Variants in TTC21B observed in about 807,000 individuals in gnomAD.
TTC21B encodes tetratricopeptide repeat domain 21B, also known as tetratricopeptide repeat protein 21B.
A neutral mutation model predicts 175.1 loss-of-function variants in TTC21B; 127 were observed. That is an observed-to-expected ratio of 0.73 (90% CI 0.63 to 0.84). The LOEUF (loss-of-function observed/expected upper bound fraction) is 0.84, where lower values mean the gene tolerates loss of function less well. TTC21B is among the 40% of genes least tolerant of loss of function. The pLI is 0.00. For missense variants in TTC21B, 1,561 were observed against 1,558.3 expected, an observed-to-expected ratio of 1.00 and a Z score of -0.03; for synonymous variants, 524 against 524.5, an observed-to-expected ratio of 1.00 and a Z score of 0.01.
chr2:165,925,192 AACT>A (rs1686581982), intron 11 of TTC21B, among the ~76,000 whole-genome samples: 1 of 152,160 alleles, frequency 6.6e-6, no homozygotes, highest in Non-Finnish European at 1.5e-5. Context: ...CACTATGCTA[AACT>A]AAATGTCTCA....
intron 3 of TTC21B, among the ~76,000 whole-genome samples, chr2:165,946,195 C>T (rs919973463): frequency 2.0e-5 from 3 of 148,874 alleles, no homozygotes; most frequent in South Asian, 2.1e-4. Flanking sequence ...AAAAATTAGC[C>T]GGGCGTGATA....
chr2:165,910,357 C>T lies in TTC21B; in HGVS notation c.2461+970G>A, dbSNP rs569933277. Among the ~76,000 whole-genome samples the T allele has an allele frequency of 1.3e-4, 19 of 151,648 alleles. No individual in the cohort carries two copies. In the East Asian group the frequency reaches 2.5e-3, roughly 20 times the overall value. On this transcript the variant is annotated intron_variant, in intron 18 of 28. Transcript: ENST00000243344. ...AGCAGAGCTTGCAGTGAGCTGAGAT[C>T]GTGCCATTGCACTCCAGCCTGGGCA...
At chr2:165,878,192 AT>A (rs1394019406) in intron 27 of TTC21B, among the ~76,000 whole-genome samples, 3 of 152,236 alleles carry the variant, frequency 2.0e-5, no homozygotes, top group Non-Finnish European at 2.9e-5. Flanking sequence ...CATTCACTAT[AT>A]TATAATCACA....
intron 12 of TTC21B, among the ~76,000 whole-genome samples, chr2:165,922,593 G>A: frequency 6.9e-6 from 1 of 144,798 alleles, no homozygotes; most frequent in Non-Finnish European, 1.5e-5. Flanking sequence ...AAAAGACGTT[G>A]GCATGGATGT....
rs1436732135 is a variant in TTC21B at position 165,890,628 on chromosome 2, T to C, written c.3114A>G (p.Glu1038=). ...CKGLYLWYTG[E]PNDALRHFNK... is the part of the protein sequence containing the mutation. ...TAAAATGTCGAAGGGCATCATTTGG[T>C]TCTCCAGTGTACCTTGTTAGATGTT... The change falls in exon 24 of 29, where the codon GAA becomes GAG. Residue 1038 remains glutamate (E), a synonymous_variant. Coordinates refer to ENST00000243344, the MANE Select transcript of TTC21B (RefSeq NM_024753.5). 1 of 1,613,634 alleles carries C rather than the reference T, an allele frequency of 6.2e-7. No homozygotes were observed. Among genetic ancestry groups the C allele is most frequent in the Admixed American group, 1.7e-5 (1 of 59,984 alleles).
chr2:165,919,326 C>CT lies in TTC21B; in HGVS notation c.1623dup (p.Val542SerfsTer9). On this transcript the variant is annotated frameshift_variant, in exon 13 of 29. Coordinates refer to ENST00000243344, the MANE Select transcript of TTC21B (RefSeq NM_024753.5). LOFTEE classifies it high-confidence loss of function. ...TCAAGAGACTGAGAACACAATTTGACTTTTTCTTGAGACAAGTAAACCTGA... is the reference window on the plus strand; with the variant it reads ...TCAAGAGACTGAGAACACAATTTGACTTTTTTCTTGAGACAAGTAAACCTGA... 6.2e-7 allele frequency: 1 copy of CT among 1,614,082 alleles called. No individual in the cohort carries two copies. The highest frequency in any genetic ancestry group is 8.5e-7 in the Non-Finnish European group (1 of 1,179,986).
At position 165,873,432 on chromosome 2, in the gene TTC21B, A is replaced by G. The variant is rs1684567106; in HGVS notation, c.*1323T>C. Reference sequence around the variant, plus strand: ...CTGTGTTTACTACAATTTTAAGGAAAATTGAAAAAGATGTAGATGAGAAAT... The same window carrying G: ...CTGTGTTTACTACAATTTTAAGGAAGATTGAAAAAGATGTAGATGAGAAAT... On this transcript the variant is annotated 3_prime_UTR_variant, in exon 29 of 29. Transcript: ENST00000243344. 6.6e-6 allele frequency: 1 copy of G among 152,184 alleles called. No individual in the cohort carries two copies. The highest frequency in any genetic ancestry group is 1.5e-5 in the Non-Finnish European group (1 of 68,044). 9.4% of individuals were successfully genotyped at this position (152,184 alleles called of 1,614,324 possible).
chr2:165,880,221 A>G (rs1381574724), intron 27 of TTC21B, among the ~76,000 whole-genome samples: 1 of 151,570 alleles, frequency 6.6e-6, no homozygotes, highest in Non-Finnish European at 1.5e-5. Context: ...GCTCAGGAGA[A>G]AAAAAAAATG....
intron 3 of TTC21B, chr2:165,948,576 A>G (rs1352932547): frequency 6.6e-6 from 1 of 152,230 alleles, no homozygotes; most frequent in Non-Finnish European, 1.5e-5. Flanking sequence ...AACACAATCT[A>G]TATTTACAAT....
intron 1 of TTC21B, among the ~76,000 whole-genome samples, chr2:165,952,756 A>T (rs1423360900): frequency 1.3e-5 from 2 of 152,220 alleles, no homozygotes; most frequent in Non-Finnish European, 2.9e-5. Flanking sequence ...TACATCGCCA[A>T]ATTGTCCTCC....
At chr2:165,878,024 G>C (rs896544461) in intron 27 of TTC21B, among the ~76,000 whole-genome samples, 2 of 152,090 alleles carry the variant, frequency 1.3e-5, no homozygotes, top group African/African-American at 4.8e-5. Context: ...TTACGCAAGT[G>C]GCTTGAGCTG....
At chr2:165,917,543 C>T in intron 13 of TTC21B, 62 bp from the exon 14 acceptor site, 8 of 1,291,860 alleles carry the variant, frequency 6.2e-6, no homozygotes, top group Non-Finnish European at 8.9e-6. Flanking sequence ...AATTTACAAT[C>T]CATCAAACAT....
At chr2:165,910,015 T>C (rs1321182476) in intron 18 of TTC21B, among the ~76,000 whole-genome samples, 1 of 152,138 alleles carries the variant, frequency 6.6e-6, no homozygotes, top group Non-Finnish European at 1.5e-5. Context: ...TTGTTAAATA[T>C]GGTTTTCTCT....
chr2:165,940,611 C>T (rs1217220840), intron 6 of TTC21B, among the ~76,000 whole-genome samples: 1 of 152,164 alleles, frequency 6.6e-6, no homozygotes, highest in African/African-American at 2.4e-5. Flanking sequence ...TAGAAGATGG[C>T]TCAAAGGTCT....
chr2:165,902,192 C>T (rs187422457), intron 19 of TTC21B, among the ~76,000 whole-genome samples: 3 of 152,190 alleles, frequency 2.0e-5, no homozygotes, highest in East Asian at 1.9e-4. Flanking sequence ...GAAATACAAC[C>T]GTGAAACAAA....
chr2:165,930,535 CAAGA>C lies in TTC21B; in HGVS notation c.895-175_895-172del, dbSNP rs529645232. ...CTTTCCTATTATCTAGACAATGCATCAAGAAAGAGTTTATATTCTATCAGAACTT... is the reference window on the plus strand; with the variant it reads ...CTTTCCTATTATCTAGACAATGCATCAAGAGTTTATATTCTATCAGAACTT... On this transcript the variant is annotated intron_variant, in intron 8 of 28. Transcript: ENST00000243344. Among the ~76,000 whole-genome samples, 277 of 151,890 alleles carry C rather than the reference CAAGA, an allele frequency of 1.8e-3. 1 individual carries two copies. The highest frequency in any genetic ancestry group is 4.4e-3 in the African/African-American group (182 of 41,488).
chr2:165,943,569 A>T (rs1247865783), intron 4 of TTC21B, among the ~76,000 whole-genome samples: 1 of 152,176 alleles, frequency 6.6e-6, no homozygotes. Flanking sequence ...TAAGCTCAAT[A>T]TTAAAATTAA....
At chr2:165,883,515 C>T (rs1400191193) in intron 26 of TTC21B, among the ~76,000 whole-genome samples, 1 of 152,192 alleles carries the variant, frequency 6.6e-6, no homozygotes, top group Non-Finnish European at 1.5e-5. Context: ...TGGATAATCA[C>T]AGGCAATCGT....
Position 165,898,269 on chromosome 2 carries a change from C to G in TTC21B, c.2950+417G>C, listed in dbSNP as rs181320483. Among the ~76,000 whole-genome samples, 37 of 151,988 alleles carry G rather than the reference C, an allele frequency of 2.4e-4. No homozygotes were observed. The East Asian group carries it at 6.8e-3, about 28-fold the overall frequency. On this transcript the variant is annotated intron_variant, in intron 22 of 28. Coordinates refer to ENST00000243344, the MANE Select transcript of TTC21B (RefSeq NM_024753.5). ...GGCGGGATCACAGGCCTGGGGAGGACAAAGGCTGAGGGGTGGGTAAATTTG... is the reference window on the plus strand; with the variant it reads ...GGCGGGATCACAGGCCTGGGGAGGAGAAAGGCTGAGGGGTGGGTAAATTTG...
Sources: allele counts gnomAD v4.1 joint callset (sites outside exome capture counted in the v4.1 genomes callset), GRCh38; gene constraint gnomAD v4.1.1; transcripts MANE v1.5; gene names NCBI Gene and HGNC (gene_info 2026-07-23, HGNC 2026-07-21).